The following ABCC4 variants were observed in gnomAD, a reference collection of about 807,000 sequenced individuals.
The protein encoded by ABCC4 is ATP-binding cassette sub-family C member 4.
A neutral mutation model predicts 168.5 loss-of-function variants in ABCC4; 102 were observed. The observed-to-expected ratio is 0.61, with a 90% CI of 0.52 to 0.71. The LOEUF (loss-of-function observed/expected upper bound fraction) is 0.71. Among genes scored for constraint, ABCC4 ranks in the 30% least tolerant of loss-of-function variants. The probability of loss-of-function intolerance (pLI) is 0.00; values close to 1 mark genes in which losing one functional copy is unlikely to be tolerated. For synonymous variants in ABCC4, 617 were observed against 590.7 expected (o/e 1.04, Z -0.65); for missense variants, 1,402 against 1,605.8 (o/e 0.87, Z 2.17).
chr13:95,255,655 C>T (rs1212032351), intron 1 of ABCC4, among the ~76,000 whole-genome samples: 2 of 152,150 alleles, frequency 1.3e-5, no homozygotes, highest in African/African-American at 4.8e-5. Flanking sequence ...GCTCAAAGCC[C>T]ATTTTCTCAT....
In ABCC4 at chr13:95,250,831, C is replaced by T. The variant is rs941799183; in HGVS notation, c.75-3078G>A. On this transcript the variant is annotated intron_variant, in intron 1 of 30. Coordinates refer to ENST00000645237, the MANE Select transcript of ABCC4 (RefSeq NM_005845.5). ...CCAGGCTGGATGGAGTACAGTGGAG[C>T]GATCAGAGCTCACTCAGATCCGATC... is the stretch of plus-strand genomic sequence containing the variant. 3.7e-5 allele frequency among the ~76,000 whole-genome samples: 5 copies of T among 134,318 alleles called. No homozygotes were observed. The Admixed American group carries it at 4.3e-4, about 12-fold the overall frequency. The allele number at this position is 134,318 out of a possible 152,430, so 88.1% of individuals were successfully genotyped here. A position where few individuals can be genotyped will look rare whatever the true frequency, so the allele number is the denominator to read the frequency against.
chr13:95,224,116 C>T (rs575840280), intron 4 of ABCC4, among the ~76,000 whole-genome samples: 24 of 146,722 alleles, frequency 1.6e-4, no homozygotes, highest in East Asian at 3.9e-4. Flanking sequence ...CAGCAAACTC[C>T]GAGAAGTATA....
At chr13:95,286,952 G>C (rs1268093504) in intron 1 of ABCC4, among the ~76,000 whole-genome samples, 1 of 84,614 alleles carries the variant, frequency 1.2e-5, no homozygotes, top group African/African-American at 4.5e-5. Flanking sequence ...GTGAAACTCT[G>C]TCTCAAAAAA....
intron 3 of ABCC4, among the ~76,000 whole-genome samples, chr13:95,237,964 G>C (rs1225335523): frequency 6.6e-6 from 1 of 152,104 alleles, no homozygotes; most frequent in Non-Finnish European, 1.5e-5. Context: ...GGAGGCCGAG[G>C]TGGGCAGATC....
At chr13:95,190,335 T>A (rs1371965107) in intron 9 of ABCC4, among the ~76,000 whole-genome samples, 1 of 152,164 alleles carries the variant, frequency 6.6e-6, no homozygotes, top group East Asian at 1.9e-4. Flanking sequence ...TAAGACCTTG[T>A]CTCAAAAAAA....
Position 95,234,813 on chromosome 13 carries a change from G to T in ABCC4, c.328C>A (p.Pro110Thr), listed in dbSNP as rs2039719784. ...LIEESAKVIQ[P>T]IFLGKIINYF... ...TTAATAATTTTTCCCAAAAATATGG[G>T]CTGGATTACTTTGGCACTTTCCTAA... Residue 110 changes from proline (P) to threonine (T), a missense_variant, in exon 4 of 31, where the codon CCC becomes ACC. Physicochemically the swap from Pro to Thr is conservative, Grantham distance 38. Transcript: ENST00000645237. 6.4e-6 allele frequency: 10 copies of T among 1,564,734 alleles called. No homozygotes were observed. The East Asian group carries it at 2.2e-4, about 34-fold the overall frequency.
chr13:95,198,329 T>C (rs1412414525), intron 8 of ABCC4, among the ~76,000 whole-genome samples: 13 of 152,168 alleles, frequency 8.5e-5, no homozygotes, highest in Admixed American at 7.9e-4. Context: ...AAAGAAGACA[T>C]GTATGCAGCC....
At chr13:95,058,567 CAAAAAAAAAAA>C (rs1165324016) in intron 26 of ABCC4, among the ~76,000 whole-genome samples, 8 of 62,788 alleles carry the variant, frequency 1.3e-4, no homozygotes, top group Non-Finnish European at 2.4e-4. Context: ...GACTCCATCT[CAAAAAAAAAAA>C]AAAAAAAAAA....
intron 8 of ABCC4, among the ~76,000 whole-genome samples, chr13:95,195,274 A>C (rs2038380829): frequency 6.6e-6 from 1 of 152,214 alleles, no homozygotes; most frequent in South Asian, 2.1e-4. Flanking sequence ...CTTTTGTGTT[A>C]CTAATGGTGA....
intron 20 of ABCC4, among the ~76,000 whole-genome samples, chr13:95,094,833 A>C (rs113352692): frequency 6.6e-6 from 1 of 152,112 alleles, no homozygotes; most frequent in African/African-American, 2.4e-5. Flanking sequence ...TAAGAAAAAA[A>C]AATCTCATCA....
At chr13:95,267,423 G>A (rs2040714927) in intron 1 of ABCC4, among the ~76,000 whole-genome samples, 1 of 152,170 alleles carries the variant, frequency 6.6e-6, no homozygotes, top group Admixed American at 6.5e-5. Context: ...CAGCCACATG[G>A]AACTGTCCAT....
At chr13:95,239,919 A>G (rs1224171306) in intron 3 of ABCC4, among the ~76,000 whole-genome samples, 1 of 152,208 alleles carries the variant, frequency 6.6e-6, no homozygotes, top group Non-Finnish European at 1.5e-5. Flanking sequence ...GCAAACTCCT[A>G]ACAAATTAAT....
chr13:95,085,148 A>G (rs116702491), intron 20 of ABCC4, among the ~76,000 whole-genome samples: 1,965 of 152,262 alleles, frequency 0.013, 40 homozygotes, highest in African/African-American at 0.045. Flanking sequence ...CTATAGAAAT[A>G]TAAGGAGAGG....
At chr13:95,171,286 G>A (rs1253791485) in intron 13 of ABCC4, among the ~76,000 whole-genome samples, 1 of 152,028 alleles carries the variant, frequency 6.6e-6, no homozygotes, top group Non-Finnish European at 1.5e-5. Context: ...ATGGCTCAAA[G>A]ATAAGACCCA....
At chr13:95,042,520 C>A (rs1400360680) in intron 29 of ABCC4, among the ~76,000 whole-genome samples, 2 of 152,048 alleles carry the variant, frequency 1.3e-5, no homozygotes, top group African/African-American at 4.8e-5. Context: ...TAGGGAGGGG[C>A]CAACTGTAAA....
intron 13 of ABCC4, 66 bp from the exon 14 acceptor site, chr13:95,170,694 C>G: frequency 1.1e-6 from 1 of 934,340 alleles, no homozygotes. Context: ...GAAAAACATA[C>G]ATTTTGAAAC....
At chr13:95,168,705 G>A (rs529869759) in intron 14 of ABCC4, among the ~76,000 whole-genome samples, 1 of 152,288 alleles carries the variant, frequency 6.6e-6, no homozygotes, top group East Asian at 1.9e-4. Context: ...GAACAGAGAA[G>A]GGTTAAGGAC....
intron 30 of ABCC4, among the ~76,000 whole-genome samples, chr13:95,025,388 CA>C (rs2031459976): frequency 4.0e-5 from 1 of 25,016 alleles, no homozygotes; most frequent in Non-Finnish European, 7.1e-5. Flanking sequence ...CACACCCTCC[CA>C]CCCCCACACA....
chr13:95,211,787 G>A (rs2138679557), intron 4 of ABCC4, among the ~76,000 whole-genome samples: 1 of 152,236 alleles, frequency 6.6e-6, no homozygotes, highest in South Asian at 2.1e-4. Flanking sequence ...AGAATGAGTT[G>A]CCGCTGGAAT....
Sources: allele counts gnomAD v4.1 joint callset (sites outside exome capture counted in the v4.1 genomes callset), GRCh38; gene constraint gnomAD v4.1.1; transcripts MANE v1.5; gene names NCBI Gene and HGNC (gene_info 2026-07-23, HGNC 2026-07-21).